The following ABCC12 variants were observed in gnomAD, a reference collection of about 807,000 sequenced individuals.
ABCC12 encodes ATP-binding cassette sub-family C member 12.
A neutral mutation model predicts 151.1 loss-of-function variants in ABCC12; 142 were observed. The ratio of observed to expected loss-of-function variants is 0.94; its 90% CI spans 0.82 to 1.08. ABCC12 has a LOEUF of 1.08. Ranked by LOEUF, ABCC12 falls within the 50% of genes least tolerant of loss-of-function variation. The probability of loss-of-function intolerance (pLI) is 0.00; values close to 1 mark genes in which losing one functional copy is unlikely to be tolerated. For missense variants in ABCC12, 1,638 were observed against 1,691.1 expected (o/e 0.97, Z 0.55); for synonymous variants, 645 against 646.4 (o/e 1.00, Z 0.03).
At chr16:48,137,768 C>T (rs997179249) in intron 8 of ABCC12, among the ~76,000 whole-genome samples, 1 of 152,206 alleles carries the variant, frequency 6.6e-6, no homozygotes, top group Non-Finnish European at 1.5e-5. Flanking sequence ...AGTAAAACTA[C>T]ATATGCATCT....
intron 27 of ABCC12, 160 bp downstream of exon 27, chr16:48,087,766 A>T: frequency 1.4e-6 from 1 of 712,726 alleles, no homozygotes; most frequent in Non-Finnish European, 2.3e-6. Context: ...GGCTGGATGC[A>T]GAAACAGGGA....
At chr16:48,090,859 C>T (rs1329007356) in intron 25 of ABCC12, among the ~76,000 whole-genome samples, 1 of 152,068 alleles carries the variant, frequency 6.6e-6, no homozygotes, top group Non-Finnish European at 1.5e-5. Flanking sequence ...TACCACCGCT[C>T]GCCACCATGC....
intron 23 of ABCC12, among the ~76,000 whole-genome samples, chr16:48,097,636 TG>T (rs1398564992): frequency 2.0e-5 from 3 of 152,130 alleles, no homozygotes; most frequent in Admixed American, 6.5e-5. Flanking sequence ...CCCAGATGTA[TG>T]CAAGGTGGAT....
In ABCC12 at chr16:48,105,236, A is replaced by G; in HGVS notation, c.2576T>C (p.Met859Thr). Residue 859 changes from methionine (M) to threonine (T), a missense_variant, in exon 21 of 31, where the codon ATG (methionine) becomes ACG (threonine). Physicochemically the swap from Met to Thr is moderately conservative, Grantham distance 81. Coordinates refer to ENST00000311303, the MANE Select transcript of ABCC12 (RefSeq NM_001393797.1). Reference protein sequence around the residue: ...HVYQWVYTASMVFMLVFGVTK... With the variant: ...HVYQWVYTASTVFMLVFGVTK... ...GACGCCAAACACCAGCATGAACACCATGCTTGCAGTGTACACCCACTGGTA... is the reference window on the plus strand; with the variant it reads ...GACGCCAAACACCAGCATGAACACCGTGCTTGCAGTGTACACCCACTGGTA... 3.7e-6 allele frequency: 6 copies of G among 1,614,176 alleles called. No individual in the cohort carries two copies. The highest frequency in any genetic ancestry group is 5.1e-6 in the Non-Finnish European group (6 of 1,180,040).
chr16:48,147,884 G>A (rs1965051626), intron 2 of ABCC12, among the ~76,000 whole-genome samples: 1 of 152,230 alleles, frequency 6.6e-6, no homozygotes, highest in South Asian at 2.1e-4. Context: ...AAGCCCACAT[G>A]TTTTAGAGCT....
chr16:48,101,554 G>A (rs1963309327), intron 22 of ABCC12, among the ~76,000 whole-genome samples: 1 of 151,346 alleles, frequency 6.6e-6, no homozygotes, highest in Middle Eastern at 3.2e-3. Context: ...GGAGACCAGG[G>A]ACCTCGGGTG....
chr16:48,135,968 T>C (rs1964594091), intron 8 of ABCC12, among the ~76,000 whole-genome samples: 1 of 152,186 alleles, frequency 6.6e-6, no homozygotes, highest in African/African-American at 2.4e-5. Context: ...GCGTGATCAC[T>C]ACATGCCAGG....
At chr16:48,115,291 C>G in intron 15 of ABCC12, 124 bp downstream of exon 15, 1 of 1,169,678 alleles carries the variant, frequency 8.5e-7, no homozygotes, top group Non-Finnish European at 1.2e-6. Flanking sequence ...TCTTGCATCC[C>G]TGGCTCCCTC....
At chr16:48,109,390 A>G (rs1315474040) in intron 18 of ABCC12, among the ~76,000 whole-genome samples, 3 of 152,240 alleles carry the variant, frequency 2.0e-5, no homozygotes, top group Non-Finnish European at 2.9e-5. Flanking sequence ...AGGAAAAGGG[A>G]TGCTGGATAA....
At chr16:48,143,704 C>T (rs1964898858) in intron 4 of ABCC12, among the ~76,000 whole-genome samples, 1 of 152,184 alleles carries the variant, frequency 6.6e-6, no homozygotes, top group East Asian at 1.9e-4. Flanking sequence ...AAGGACAATT[C>T]CTCTGCACAC....
In ABCC12 at chr16:48,155,925, C is replaced by G. The variant is rs1965179401; in HGVS notation, c.-404G>C. 1 of 152,346 alleles carries G rather than the reference C, an allele frequency of 6.6e-6. No individual in the cohort carries two copies. Among genetic ancestry groups the G allele is most frequent in the Non-Finnish European group, 1.5e-5 (1 of 68,172 alleles). 9.4% of individuals were successfully genotyped at this position (152,346 alleles called of 1,614,324 possible). On this transcript the variant is annotated 5_prime_UTR_variant, in exon 1 of 31. Transcript: ENST00000311303. ...CATCTGCTGCCCAGGACTCCAGGGC[C>G]TGCTTCTCCCCAAGGACCTCAGATT...
At chr16:48,093,366 G>A (rs184679968) in intron 24 of ABCC12, among the ~76,000 whole-genome samples, 1 of 152,220 alleles carries the variant, frequency 6.6e-6, no homozygotes, top group East Asian at 1.9e-4. Context: ...CTACCGCTGA[G>A]CCTTTCCCTG....
At chr16:48,143,375 T>G (rs1485080936) in intron 4 of ABCC12, among the ~76,000 whole-genome samples, 2 of 152,196 alleles carry the variant, frequency 1.3e-5, no homozygotes, top group Non-Finnish European at 2.9e-5. Flanking sequence ...GGCCAAGAAG[T>G]TCATGCAGTC....
chr16:48,128,045 G>C (rs1337513113), intron 11 of ABCC12, among the ~76,000 whole-genome samples: 2 of 152,208 alleles, frequency 1.3e-5, no homozygotes, highest in East Asian at 3.8e-4. Flanking sequence ...CTTGAGCCCA[G>C]GAGTTTGAGG....
chr16:48,135,828 C>T (rs770280718), intron 8 of ABCC12, among the ~76,000 whole-genome samples: 9 of 152,174 alleles, frequency 5.9e-5, no homozygotes, highest in Non-Finnish European at 1.3e-4. Flanking sequence ...AACATGCCCA[C>T]GGCTCTGCAA....
Position 48,130,800 on chromosome 16 carries a change from T to C in ABCC12, c.1224A>G (p.Leu408=). The C allele has an allele frequency of 6.2e-7, 1 of 1,610,920 alleles. No homozygotes were observed. Among genetic ancestry groups the C allele is most frequent in the South Asian group, 1.1e-5 (1 of 91,016 alleles). Residue 408 remains leucine (L), a synonymous_variant, in exon 10 of 31, where the codon CTA becomes CTG. Coordinates refer to ENST00000311303, the MANE Select transcript of ABCC12 (RefSeq NM_001393797.1). The part of the protein sequence containing the change: ...IKAMAEANVS[L]RRMKKILIDK... ...GGGTTAGTTATACCTTCATTCTCCT[T>C]AGAGAGACATTCGCTTCAGCCATTG...
intron 20 of ABCC12, among the ~76,000 whole-genome samples, chr16:48,106,138 G>A (rs1963484669): frequency 1.3e-5 from 2 of 152,240 alleles, no homozygotes; most frequent in South Asian, 4.1e-4. Flanking sequence ...CCATTTTGCT[G>A]ATTACAGTCA....
intron 1 of ABCC12, among the ~76,000 whole-genome samples, chr16:48,154,219 A>G (rs577015095): frequency 1.3e-5 from 2 of 152,308 alleles, no homozygotes; most frequent in South Asian, 2.1e-4. Flanking sequence ...CCTAACCTCA[A>G]CAGACTGGAC....
chr16:48,144,796 G>A (rs1290535560), intron 3 of ABCC12, among the ~76,000 whole-genome samples: 1 of 152,126 alleles, frequency 6.6e-6, no homozygotes, highest in Non-Finnish European at 1.5e-5. Context: ...ATGTGAATAA[G>A]GTACTACGAG....
Sources: allele counts gnomAD v4.1 joint callset (sites outside exome capture counted in the v4.1 genomes callset), GRCh38; gene constraint gnomAD v4.1.1; transcripts MANE v1.5; gene names NCBI Gene and HGNC (gene_info 2026-07-23, HGNC 2026-07-21).